MYCBP2: variants seen among roughly 807,000 people sequenced by gnomAD.
The protein encoded by MYCBP2 is E3 ubiquitin-protein ligase MYCBP2.
Under a neutral mutation model 525.3 loss-of-function variants are expected in MYCBP2, and 120 were observed. The ratio of observed to expected loss-of-function variants is 0.23; its 90% CI spans 0.20 to 0.27. MYCBP2 has a LOEUF of 0.27. Among genes scored for constraint, MYCBP2 ranks in the 10% least tolerant of loss-of-function variants. The pLI is 1.00. For synonymous variants in MYCBP2, 1,894 were observed against 1,955.8 expected, an observed-to-expected ratio of 0.97 and a Z score of 0.83; for missense variants, 4,149 against 5,657.1, an observed-to-expected ratio of 0.73 and a Z score of 8.55.
rs369112050 is a variant in MYCBP2 at position 77,315,498 on chromosome 13, T to C, written c.302+10976A>G. Among the ~76,000 whole-genome samples, 3 of 152,234 alleles carry C rather than the reference T, an allele frequency of 2.0e-5. No homozygotes were observed. In the South Asian group the frequency reaches 6.2e-4, roughly 31 times the overall value. On this transcript the variant is annotated intron_variant, in intron 1 of 82. Coordinates refer to ENST00000544440, the MANE Select transcript of MYCBP2 (RefSeq NM_015057.5). ...GCAAAGTTAATTTAACATTCAAAAA[T>C]TAATTAATGTAATTCAATTTTCCTT...
chr13:77,051,045 G>C lies in MYCBP2; in HGVS notation c.13873C>G (p.Gln4625Glu). Residue 4625 changes from glutamine to glutamate, a missense_variant, in exon 82 of 83, where the codon CAA becomes GAA. Gln to Glu is a conservative substitution (Grantham distance 29). Coordinates refer to ENST00000544440, the MANE Select transcript of MYCBP2 (RefSeq NM_015057.5). ...TCCTTAGGAATGCTAGTCATTCTTTGAAAATCATCATGACAAGCATTACAA... is the reference window on the plus strand; with the variant it reads ...TCCTTAGGAATGCTAGTCATTCTTTCAAAATCATCATGACAAGCATTACAA... ...HFCNACHDDF[Q>E]RMTSIPKEEL... 6.2e-7 allele frequency: 1 copy of C among 1,613,360 alleles called. No individual in the cohort carries two copies. The highest frequency in any genetic ancestry group is 8.5e-7 in the Non-Finnish European group (1 of 1,179,706).
chr13:77,314,360 C>T (rs2080663336), intron 1 of MYCBP2, among the ~76,000 whole-genome samples: 1 of 152,182 alleles, frequency 6.6e-6, no homozygotes, highest in Admixed American at 6.5e-5. Context: ...GGAAGCAACC[C>T]AATTGTCCTC....
At chr13:77,281,493 T>C (rs2076185556) in intron 3 of MYCBP2, among the ~76,000 whole-genome samples, 2 of 152,122 alleles carry the variant, frequency 1.3e-5, no homozygotes, top group Admixed American at 1.3e-4. Flanking sequence ...TATAACTAAT[T>C]ACCCAACACA....
chr13:77,114,252 C>T (rs1019682824), intron 55 of MYCBP2, among the ~76,000 whole-genome samples: 2 of 152,110 alleles, frequency 1.3e-5, no homozygotes, highest in East Asian at 3.8e-4. Context: ...ACTCATTCCA[C>T]ACCAAGAATA....
intron 68 of MYCBP2, chr13:77,075,588 C>T (rs888006576): frequency 6.6e-6 from 1 of 152,190 alleles, no homozygotes. Flanking sequence ...TCTCAAGGTA[C>T]TCTGAAAGCC....
chr13:77,239,832 T>C (rs1429625070), intron 17 of MYCBP2, among the ~76,000 whole-genome samples: 1 of 152,042 alleles, frequency 6.6e-6, no homozygotes, highest in Non-Finnish European at 1.5e-5. Context: ...ATAAAAATAT[T>C]TTTTAAAAAG....
chr13:77,128,852 C>T (rs2052194002), intron 52 of MYCBP2, among the ~76,000 whole-genome samples: 1 of 151,876 alleles, frequency 6.6e-6, no homozygotes, highest in Non-Finnish European at 1.5e-5. Context: ...ATAAAAGAGC[C>T]ATAAGGCCAG....
intron 55 of MYCBP2, chr13:77,118,272 A>G: frequency 1.6e-6 from 1 of 644,380 alleles, no homozygotes; most frequent in Non-Finnish European, 2.8e-6. Flanking sequence ...ACTAATTAGT[A>G]ACTGATAAGC....
At chr13:77,094,477 A>G (rs2045935435) in intron 58 of MYCBP2, among the ~76,000 whole-genome samples, 1 of 152,090 alleles carries the variant, frequency 6.6e-6, no homozygotes, top group African/African-American at 2.4e-5. Flanking sequence ...AAATTCTTCC[A>G]CTGTTTCCTC....
chr13:77,152,862 G>A (rs1218432566), intron 46 of MYCBP2, among the ~76,000 whole-genome samples: 3 of 151,942 alleles, frequency 2.0e-5, no homozygotes, highest in Non-Finnish European at 2.9e-5. Flanking sequence ...TCAGGAGATC[G>A]AGACCATCCT....
At chr13:77,301,448 A>AAAAAAAAAAC (rs1555470570) in intron 1 of MYCBP2, among the ~76,000 whole-genome samples, 1 of 113,872 alleles carries the variant, frequency 8.8e-6, no homozygotes. Context: ...AAAAAAAAAA[A>AAAAAAAAAAC]AGAGGCTGGG....
chr13:77,193,067 T>C (rs1268491229), intron 27 of MYCBP2, among the ~76,000 whole-genome samples: 2 of 152,162 alleles, frequency 1.3e-5, no homozygotes, highest in African/African-American at 4.8e-5. Flanking sequence ...AGGCAGAGGT[T>C]GCAGTGAGTT....
intron 30 of MYCBP2, among the ~76,000 whole-genome samples, chr13:77,187,800 A>C (rs2060871448): frequency 1.3e-5 from 2 of 151,998 alleles, no homozygotes; most frequent in African/African-American, 4.8e-5. Context: ...TAATCCCAGC[A>C]CTTTGGGAGG....
chr13:77,139,997 C>T, intron 51 of MYCBP2, 50 bp downstream of exon 51: 1 of 1,312,424 alleles, frequency 7.6e-7, no homozygotes, highest in African/African-American at 1.5e-5. Flanking sequence ...GCAAACAATG[C>T]AAAAACTTTC....
intron 37 of MYCBP2, 83 bp from the exon 38 acceptor site, chr13:77,171,717 ATCC>A (rs1215308256): frequency 3.1e-6 from 4 of 1,295,970 alleles, no homozygotes; most frequent in Non-Finnish European, 4.3e-6. Context: ...TAGATCTGAG[ATCC>A]TCATTTAATT....
At chr13:77,201,880 A>T (rs529248081) in intron 26 of MYCBP2, among the ~76,000 whole-genome samples, 2 of 152,354 alleles carry the variant, frequency 1.3e-5, no homozygotes, top group East Asian at 3.9e-4. Flanking sequence ...AATCTCTGGG[A>T]CACATTCAAA....
rs1282431461 is a variant in MYCBP2 at position 77,174,613 on chromosome 13, A to G, written c.5473-124T>C. On this transcript the variant is annotated intron_variant, in intron 36 of 82. Transcript: ENST00000544440. ...TGTCATATTTACAGATGATATAATT[A>G]AATAAGTTTTTAATGAATCAAACAC... 1.1e-5 allele frequency: 8 copies of G among 725,924 alleles called. No individual in the cohort carries two copies. The East Asian group carries it at 1.9e-4, about 17-fold the overall frequency. The allele number at this position is 725,924 out of a possible 1,614,324, so 45.0% of individuals were successfully genotyped here.
chr13:77,058,267 A>G lies in MYCBP2; in HGVS notation c.13280T>C (p.Met4427Thr). 1 of 1,614,168 alleles carries G rather than the reference A, an allele frequency of 6.2e-7. No homozygotes were observed. Among genetic ancestry groups the G allele is most frequent in the Non-Finnish European group, 8.5e-7 (1 of 1,180,028 alleles). The change falls in exon 78 of 83, where the codon ATG (methionine) becomes ACG (threonine). Residue 4427 changes from methionine (M) to threonine (T), a missense_variant. Transcript: ENST00000544440. The surrounding 1 kb of genome is among the most constrained non-coding windows in gnomAD (Gnocchi z 4.1). ...CGCTTCGGTGAAACATATCATGCAC[A>G]TGTCATCGGCGTCTTGCTTCAGGCT... Reference protein sequence around the residue: ...ATSLKQDADDMCMICFTEALS... With the variant: ...ATSLKQDADDTCMICFTEALS...
intron 74 of MYCBP2, 54 bp from the exon 75 acceptor site, chr13:77,061,844 C>T: frequency 6.8e-7 from 1 of 1,470,508 alleles, no homozygotes; most frequent in South Asian, 1.4e-5. Flanking sequence ...CTCAGACTCT[C>T]ATACAAATTG....
Sources: allele counts gnomAD v4.1 joint callset (sites outside exome capture counted in the v4.1 genomes callset), GRCh38; gene constraint gnomAD v4.1.1; non-coding constraint Gnocchi (gnomAD v3.1); transcripts MANE v1.5; gene names NCBI Gene and HGNC (gene_info 2026-07-23, HGNC 2026-07-21).